FHAD1: variants seen among roughly 807,000 people sequenced by gnomAD.
The protein encoded by FHAD1 is forkhead-associated domain-containing protein 1.
A neutral mutation model predicts 191.3 loss-of-function variants in FHAD1; 146 were observed. That is an observed-to-expected ratio of 0.76 (90% CI 0.67 to 0.88). The LOEUF is 0.88. Among genes scored for constraint, FHAD1 ranks in the 40% least tolerant of loss-of-function variants. The probability of loss-of-function intolerance (pLI) is 0.00; values close to 1 mark genes in which losing one functional copy is unlikely to be tolerated. For synonymous variants in FHAD1, 616 were observed against 672.3 expected (o/e 0.92, Z 1.29); for missense variants, 1,635 against 1,785.8 (o/e 0.92, Z 1.52).
At chr1:15,296,638 GA>G (rs1481882410) in intron 4 of FHAD1, 45 bp from the exon 5 acceptor site, 28 of 1,472,238 alleles carry the variant, frequency 1.9e-5, no homozygotes, top group Non-Finnish European at 2.5e-5. Context: ...AGGCCTCAGG[GA>G]AACTCATGAT....
rs557332697 is a variant in FHAD1, at chr1:15,248,811, C to T, written c.-15+1416C>T. ...CCATGTTGGCCAGGCTGGTCTCAAA[C>T]TCCTGACCTCAGGTGATCCGTCCAC... On this transcript the variant is annotated intron_variant, in intron 1 of 33. Transcript: ENST00000688493. Among the ~76,000 whole-genome samples, 3 of 152,284 alleles carry T rather than the reference C, an allele frequency of 2.0e-5. No homozygotes were observed. The East Asian group carries it at 5.8e-4, about 30-fold the overall frequency.
At chr1:15,331,395 G>C (rs1681338396) in intron 14 of FHAD1, among the ~76,000 whole-genome samples, 1 of 150,210 alleles carries the variant, frequency 6.7e-6, no homozygotes, top group Admixed American at 6.6e-5. Flanking sequence ...AGAAAGGATG[G>C]ATGGAAGCAT....
chr1:15,352,924 C>A lies in FHAD1; in HGVS notation c.2502C>A (p.Ala834=), dbSNP rs909458707. 6.4e-7 allele frequency: 1 copy of A among 1,551,250 alleles called. No homozygotes were observed. The highest frequency in any genetic ancestry group is 1.4e-5 in the African/African-American group (1 of 72,950). The part of the protein sequence containing the change: ...IAYEKRKAKE[A]MEKEKKKVQD... The stretch of plus-strand genomic sequence containing the variant: ...ACGAGAAACGCAAAGCAAAGGAGGC[C>A]ATGGAGAAGGAAAAGAAAAAGGTGC... Residue 834 remains alanine (A), a synonymous_variant, in exon 20 of 34, where the codon GCC becomes GCA. Coordinates refer to ENST00000688493, the MANE Select transcript of FHAD1 (RefSeq NM_001391957.1).
In FHAD1 at chr1:15,384,942, C is replaced by T. The variant is rs117072380; in HGVS notation, c.4188+2749C>T. Among the ~76,000 whole-genome samples, 697 of 152,140 alleles carry T rather than the reference C, an allele frequency of 4.6e-3. 16 individuals carry two copies. The East Asian group carries it at 0.068, about 15-fold the overall frequency. On this transcript the variant is annotated intron_variant, in intron 31 of 33. Coordinates refer to ENST00000688493, the MANE Select transcript of FHAD1 (RefSeq NM_001391957.1). ...GGCTACTCAGCTACAGAAACGGGAC[C>T]TCAGCGACCTCCGATCCCGGCCCTC...
rs748993451 is a variant in FHAD1, at chr1:15,301,367, A to T, written c.841A>T (p.Ile281Phe). ...TTTSRQNEKE[I>F]SQKCQVLDED... Reference sequence around the variant, plus strand: ...CACCTCCAGGCAGAATGAGAAGGAGATCTCGCAGAAGTGTCAGGTTCTGGA... The same window carrying T: ...CACCTCCAGGCAGAATGAGAAGGAGTTCTCGCAGAAGTGTCAGGTTCTGGA... The change falls in exon 6 of 34, where the codon ATC becomes TTC. Residue 281 changes from isoleucine to phenylalanine, a missense_variant. By Grantham distance (21) the Ile-to-Phe change is conservative. Transcript: ENST00000688493. The T allele has an allele frequency of 6.4e-7, 1 of 1,551,766 alleles. No individual in the cohort carries two copies. Among genetic ancestry groups the T allele is most frequent in the Non-Finnish European group, 8.7e-7 (1 of 1,147,006 alleles).
chr1:15,253,148 CTGTGTGTGTGTGTGTG>C (rs5772631), intron 2 of FHAD1, among the ~76,000 whole-genome samples: 3 of 146,042 alleles, frequency 2.1e-5, no homozygotes, highest in African/African-American at 2.5e-5. Flanking sequence ...GACATAAGTG[CTGTGTGTGTGTGTGTG>C]TGTGTGTGTG....
intron 28 of FHAD1, among the ~76,000 whole-genome samples, chr1:15,378,535 G>A (rs742365): frequency 0.076 from 11,516 of 152,250 alleles, 1,405 homozygotes; most frequent in African/African-American, 0.25. Flanking sequence ...GATTCTGAAG[G>A]GGAGTGCAGA....
chr1:15,396,546 T>C (rs1188915302), intron 33 of FHAD1, among the ~76,000 whole-genome samples: 1 of 152,084 alleles, frequency 6.6e-6, no homozygotes, highest in African/African-American at 2.4e-5. Flanking sequence ...TGGTGGCTTA[T>C]GCCTGTAATC....
chr1:15,402,373 T>C (rs1469162152), downstream of FHAD1, among the ~76,000 whole-genome samples: 1 of 152,210 alleles, frequency 6.6e-6, no homozygotes, highest in East Asian at 1.9e-4. Flanking sequence ...TTAGGGTACA[T>C]GTGCACAACG....
At chr1:15,336,553 T>C (rs1333821726) in intron 14 of FHAD1, among the ~76,000 whole-genome samples, 1 of 152,174 alleles carries the variant, frequency 6.6e-6, no homozygotes, top group African/African-American at 2.4e-5. Flanking sequence ...GCGGCCTTTC[T>C]TTTCCTCTTA....
chr1:15,352,318 C>T (rs542083918), intron 19 of FHAD1, among the ~76,000 whole-genome samples: 75 of 152,320 alleles, frequency 4.9e-4, no homozygotes, highest in East Asian at 9.6e-4. Flanking sequence ...ACAGGTGAGT[C>T]TGGGCCTCCA....
At chr1:15,242,829 A>G (rs1645544441), upstream of FHAD1, among the ~76,000 whole-genome samples, 1 of 152,212 alleles carries the variant, frequency 6.6e-6, no homozygotes, top group Admixed American at 6.5e-5. Flanking sequence ...GAAAACAGGC[A>G]ATAATCGTAA....
In FHAD1 at chr1:15,329,100, T is replaced by C. The variant is rs1189856199; in HGVS notation, c.1711-246T>C. The C allele has an allele frequency of 2.9e-6, 1 of 347,290 alleles. No individual in the cohort carries two copies. Among genetic ancestry groups the C allele is most frequent in the Non-Finnish European group, 5.2e-6 (1 of 191,778 alleles). The allele number at this position is 347,290 out of a possible 1,614,324, so 21.5% of individuals were successfully genotyped here. The stretch of plus-strand genomic sequence containing the variant: ...GCCAAACTGTTGATGGTACTTTGGC[T>C]CTGGGGTTTCATAGACCTAAAAGGG... On this transcript the variant is annotated intron_variant, in intron 13 of 33. Transcript: ENST00000688493. This position sits in a 1 kb window ranked among gnomAD's most constrained non-coding sequence, Gnocchi z 5.0.
At chr1:15,392,349 G>A (rs1031701642) in intron 33 of FHAD1, among the ~76,000 whole-genome samples, 28 of 152,114 alleles carry the variant, frequency 1.8e-4, no homozygotes, top group Admixed American at 3.3e-4. Context: ...TGGCTAACAC[G>A]GTGAAACCCC....
intron 19 of FHAD1, among the ~76,000 whole-genome samples, 163 bp from the exon 20 acceptor site, chr1:15,352,714 T>G (rs534397462): frequency 2.2e-4 from 34 of 152,100 alleles, no homozygotes; most frequent in Non-Finnish European, 4.3e-4. Flanking sequence ...ATGGTGGGCA[T>G]GCCATGGTTC....
intron 25 of FHAD1, among the ~76,000 whole-genome samples, chr1:15,367,871 G>A (rs1401565971): frequency 1.3e-5 from 2 of 152,102 alleles, no homozygotes; most frequent in African/African-American, 4.8e-5. Flanking sequence ...CATAGCCAAG[G>A]GATCCTGCTG....
At chr1:15,292,176 C>G (rs1451961627) in intron 4 of FHAD1, among the ~76,000 whole-genome samples, 1 of 152,116 alleles carries the variant, frequency 6.6e-6, no homozygotes, top group Non-Finnish European at 1.5e-5. Context: ...GAAACTGAGT[C>G]TCACTCTGTC....
At chr1:15,321,324 C>G (rs1211605852) in intron 10 of FHAD1, among the ~76,000 whole-genome samples, 1 of 152,168 alleles carries the variant, frequency 6.6e-6, no homozygotes, top group Non-Finnish European at 1.5e-5. Flanking sequence ...AAGACAATAG[C>G]ACGCATTCGT....
At chr1:15,360,433 A>G (rs1013490193) in intron 21 of FHAD1, 45 bp from the exon 22 acceptor site, 46 of 1,518,580 alleles carry the variant, frequency 3.0e-5, no homozygotes, top group Non-Finnish European at 3.9e-5. Flanking sequence ...TGTTGCCGTC[A>G]TACACAGCTC....
Sources: gnomAD v4.1 joint callset for allele counts (sites outside exome capture counted in the v4.1 genomes callset) on GRCh38, gnomAD v4.1.1 for gene constraint, Gnocchi (gnomAD v3.1) non-coding constraint, MANE v1.5 for transcripts, NCBI Gene and HGNC (gene_info 2026-07-23, HGNC 2026-07-21) for gene names.